Variants in ASPRV1 observed in about 807,000 individuals in gnomAD.
The protein encoded by ASPRV1 is aspartic peptidase retroviral like 1.
In ASPRV1, 7 loss-of-function variants were observed where a neutral mutation model predicts 11.0. That is an observed-to-expected ratio of 0.64 (90% CI 0.36 to 1.20). The LOEUF is 1.20. Ranked by LOEUF, ASPRV1 falls within the 50% of genes most tolerant of loss-of-function variation. The probability of loss-of-function intolerance (pLI) is 0.02; values close to 1 mark genes in which losing one functional copy is unlikely to be tolerated. For missense variants in ASPRV1, 299 were observed against 320.0 expected, an observed-to-expected ratio of 0.93 and a Z score of 0.50; for synonymous variants, 136 against 138.4, an observed-to-expected ratio of 0.98 and a Z score of 0.12.
At chr2:70,018,949 G>C in the ASPRV1 span, 3 of 152,112 alleles carry the variant, frequency 2.0e-5, no homozygotes, top group Non-Finnish European at 2.9e-5. Context: ...CACAGTAAAG[G>C]AAACAATACA....
chr2:69,938,139 G>A, the ASPRV1 span: 1 of 1,614,240 alleles, frequency 6.2e-7, no homozygotes, highest in Non-Finnish European at 8.5e-7. Flanking sequence ...TATCTCACAG[G>A]TGATCTGGAC....
chr2:69,990,646 G>C, the ASPRV1 span, among the ~76,000 whole-genome samples: 1 of 152,018 alleles, frequency 6.6e-6, no homozygotes, highest in African/African-American at 2.4e-5. Flanking sequence ...GTGGAGATGA[G>C]GTCTTACTAT....
At chr2:69,944,359 C>T in the ASPRV1 span, among the ~76,000 whole-genome samples, 60 of 152,336 alleles carry the variant, frequency 3.9e-4, no homozygotes, top group African/African-American at 1.4e-3. Context: ...CATGTCATAA[C>T]GAGGGTCAGC....
At chr2:69,958,080 A>G (rs1163446229), downstream of ASPRV1, among the ~76,000 whole-genome samples, 1 of 152,010 alleles carries the variant, frequency 6.6e-6, no homozygotes, top group Non-Finnish European at 1.5e-5. Flanking sequence ...GCCACAACCC[A>G]CTTTTTCTGG....
the ASPRV1 span, among the ~76,000 whole-genome samples, chr2:70,048,083 T>C: frequency 1.7e-5 from 2 of 115,660 alleles, no homozygotes; most frequent in East Asian, 2.5e-4. Context: ...CACTCCAGCC[T>C]GGTGACAGAG....
chr2:69,976,118 C>T, the ASPRV1 span: 3 of 152,476 alleles, frequency 2.0e-5, no homozygotes, highest in Non-Finnish European at 4.4e-5. Flanking sequence ...GTGACCCAAC[C>T]GCACCCAGCC....
the ASPRV1 span, among the ~76,000 whole-genome samples, chr2:69,987,677 G>C: frequency 6.6e-6 from 1 of 152,008 alleles, no homozygotes; most frequent in Non-Finnish European, 1.5e-5. Flanking sequence ...TTGAGCCCAT[G>C]AGTTCGAGGC....
chr2:69,991,966 C>T, the ASPRV1 span, among the ~76,000 whole-genome samples: 2 of 152,208 alleles, frequency 1.3e-5, no homozygotes, highest in Non-Finnish European at 2.9e-5. Context: ...AGAAGTGCTG[C>T]TTTGGGGGCT....
the ASPRV1 span, among the ~76,000 whole-genome samples, chr2:70,066,536 C>T: frequency 6.6e-6 from 1 of 152,130 alleles, no homozygotes; most frequent in African/African-American, 2.4e-5. Context: ...AGCCACTGCG[C>T]CTGGCCTCAC....
At chr2:69,981,599 CAGGCT>C in the ASPRV1 span, among the ~76,000 whole-genome samples, 2 of 152,320 alleles carry the variant, frequency 1.3e-5, no homozygotes, top group Admixed American at 6.5e-5. Context: ...CTCTGTTACC[CAGGCT>C]GGAGTGCAGT....
chr2:69,982,602 C>G, the ASPRV1 span, among the ~76,000 whole-genome samples: 1 of 152,096 alleles, frequency 6.6e-6, no homozygotes, highest in Non-Finnish European at 1.5e-5. Flanking sequence ...GAGAGGTTGG[C>G]GGCAACTGGT....
chr2:70,025,009 T>C, the ASPRV1 span, among the ~76,000 whole-genome samples: 2 of 152,236 alleles, frequency 1.3e-5, no homozygotes, highest in African/African-American at 2.4e-5. Context: ...GTAGCTCAAA[T>C]AAATGTTCCA....
the ASPRV1 span, chr2:70,015,744 C>T: frequency 6.6e-6 from 1 of 152,310 alleles, no homozygotes; most frequent in East Asian, 1.9e-4. Flanking sequence ...GGGCAGATCA[C>T]TGGAACTCAA....
chr2:70,065,074 A>G, the ASPRV1 span, among the ~76,000 whole-genome samples: 8 of 151,812 alleles, frequency 5.3e-5, no homozygotes, highest in East Asian at 5.8e-4. Context: ...CAGCCTGGGC[A>G]ACAGAGCCAG....
At chr2:69,941,471 C>T in the ASPRV1 span, 3 of 152,208 alleles carry the variant, frequency 2.0e-5, no homozygotes, top group Non-Finnish European at 4.4e-5. Flanking sequence ...TAGGCAGGAC[C>T]TAGATTTTCC....
Position 69,961,406 on chromosome 2 carries a change from C to A in ASPRV1, c.31G>T (p.Gly11Cys), listed in dbSNP as rs1304823616. 6.2e-7 allele frequency: 1 copy of A among 1,614,130 alleles called. No individual in the cohort carries two copies. Among genetic ancestry groups the A allele is most frequent in the East Asian group, 2.2e-5 (1 of 44,886 alleles). The part of the protein sequence containing the change: MAGSGARSEE[G>C]RRQHAFVPEP... ...GGGACGAAGGCATGCTGCCGGCGGC[C>A]TTCCTCACTCCTGGCTCCGCTCCCG... is the stretch of plus-strand genomic sequence containing the variant. The change falls in exon 1 of 1, where the codon GGC becomes TGC. Residue 11 changes from glycine (G) to cysteine (C), a missense_variant. Physicochemically the swap from Gly to Cys is radical, Grantham distance 159. Transcript: ENST00000320256.
chr2:70,069,018 T>G, the ASPRV1 span: 3 of 151,672 alleles, frequency 2.0e-5, no homozygotes, highest in African/African-American at 7.3e-5. Flanking sequence ...GGCAGCTTTC[T>G]GGTGATTGTA....
At chr2:70,007,472 C>T in the ASPRV1 span, among the ~76,000 whole-genome samples, 1 of 151,844 alleles carries the variant, frequency 6.6e-6, no homozygotes, top group Non-Finnish European at 1.5e-5. Flanking sequence ...AAGCCAAGAT[C>T]GCACCATTGC....
At chr2:70,016,913 T>G in the ASPRV1 span, among the ~76,000 whole-genome samples, 1 of 151,676 alleles carries the variant, frequency 6.6e-6, no homozygotes, top group South Asian at 2.1e-4. Context: ...ATTCCTGGGA[T>G]GCAAGGATGG....
Sources: allele counts gnomAD v4.1 joint callset (sites outside exome capture counted in the v4.1 genomes callset), GRCh38; gene constraint gnomAD v4.1.1; transcripts MANE v1.5; gene names NCBI Gene and HGNC (gene_info 2026-07-23, HGNC 2026-07-21).